The following APBA2 variants were observed in gnomAD, a reference collection of about 807,000 sequenced individuals.
APBA2 encodes the protein amyloid-beta A4 precursor protein-binding family A member 2.
APBA2 carries 30 observed loss-of-function variants against 75.0 expected under a neutral mutation model. The ratio of observed to expected loss-of-function variants is 0.40; its 90% CI spans 0.30 to 0.54. The LOEUF (loss-of-function observed/expected upper bound fraction) is 0.54, where lower values mean the gene tolerates loss of function less well. Among genes scored for constraint, APBA2 ranks in the 20% least tolerant of loss-of-function variants. The pLI is 0.49. For synonymous variants in APBA2, 444 were observed against 409.6 expected (o/e 1.08, Z -1.01); for missense variants, 801 against 1,016.1 (o/e 0.79, Z 2.88).
At chr15:29,029,713 G>A (rs2040393584) in intron 3 of APBA2, among the ~76,000 whole-genome samples, 2 of 152,118 alleles carry the variant, frequency 1.3e-5, no homozygotes, top group South Asian at 2.1e-4. Flanking sequence ...AAGCCCCAGG[G>A]AAGGACCAGC....
At position 29,093,106 on chromosome 15, in the gene APBA2, C is replaced by T. The variant is rs770286407; in HGVS notation, c.1101C>T (p.Ile367=). ...VPGPCEPEDL[I]DGIIFAANYL... is the part of the protein sequence containing the mutation. The stretch of plus-strand genomic sequence containing the variant: ...GGCCCTGCGAACCAGAAGACCTCAT[C>T]GACGGGATCATCTTTGCTGCCAATT... The change falls in exon 7 of 15, where the codon ATC becomes ATT. Residue 367 remains isoleucine, a synonymous_variant. Coordinates refer to ENST00000683413, the MANE Select transcript of APBA2 (RefSeq NM_001353788.2). 1.7e-5 allele frequency: 27 copies of T among 1,614,134 alleles called. No homozygotes were observed. The highest frequency in any genetic ancestry group is 1.5e-4 in the African/African-American group (11 of 74,940).
chr15:29,073,192 G>GA (rs2042701185), intron 4 of APBA2, among the ~76,000 whole-genome samples: 1 of 152,206 alleles, frequency 6.6e-6, no homozygotes, highest in Non-Finnish European at 1.5e-5. Flanking sequence ...TAGGACAGGG[G>GA]ATAGGGCTGG....
intron 2 of APBA2, among the ~76,000 whole-genome samples, chr15:28,987,873 CA>C (rs951495263): frequency 3.3e-5 from 5 of 151,074 alleles, no homozygotes; most frequent in Admixed American, 2.6e-4. Context: ...TCTTCTGCCT[CA>C]GCCTCCCAAG....
At chr15:28,942,271 C>T (rs911859082) in intron 2 of APBA2, among the ~76,000 whole-genome samples, 9 of 152,148 alleles carry the variant, frequency 5.9e-5, no homozygotes, top group African/African-American at 1.9e-4. Flanking sequence ...CTGCAGCACT[C>T]GCAGCTCACT....
intron 3 of APBA2, among the ~76,000 whole-genome samples, chr15:29,039,920 A>G (rs2040950423): frequency 6.6e-6 from 1 of 152,160 alleles, no homozygotes; most frequent in Admixed American, 6.5e-5. Flanking sequence ...TGGAGCTTGA[A>G]TGCGCAGCAC....
chr15:29,008,709 A>G (rs2039252628), intron 3 of APBA2, among the ~76,000 whole-genome samples: 1 of 152,196 alleles, frequency 6.6e-6, no homozygotes, highest in South Asian at 2.1e-4. Context: ...ATCCCATCTC[A>G]GAACAACAAC....
intron 1 of APBA2, among the ~76,000 whole-genome samples, chr15:28,890,544 C>G (rs2032066423): frequency 6.6e-6 from 1 of 152,232 alleles, no homozygotes; most frequent in Admixed American, 6.5e-5. Flanking sequence ...GCCTGCCTGA[C>G]TGTCTCTTGC....
At chr15:29,023,699 A>T (rs1197999907) in intron 3 of APBA2, among the ~76,000 whole-genome samples, 1 of 134,974 alleles carries the variant, frequency 7.4e-6, no homozygotes, top group Non-Finnish European at 1.5e-5. Context: ...CAAGTGATCC[A>T]CCTGCCTCAG....
At chr15:29,028,557 G>T (rs539219069) in intron 3 of APBA2, among the ~76,000 whole-genome samples, 102 of 152,262 alleles carry the variant, frequency 6.7e-4, no homozygotes, top group Middle Eastern at 3.4e-3. Flanking sequence ...GGTATTTCTG[G>T]TTATAGATCT....
intron 2 of APBA2, among the ~76,000 whole-genome samples, chr15:28,978,544 T>C (rs1196986984): frequency 1.3e-5 from 2 of 152,220 alleles, no homozygotes; most frequent in South Asian, 2.1e-4. Flanking sequence ...CCATTTGCAG[T>C]GTACTTCCAG....
chr15:29,108,647 G>A (rs1448734583), intron 13 of APBA2: 2 of 587,900 alleles, frequency 3.4e-6, no homozygotes, highest in Non-Finnish European at 6.0e-6. Flanking sequence ...TCCCCATGGT[G>A]GTTGTCCCCT....
At chr15:29,111,213 G>A (rs936608552) in intron 13 of APBA2, among the ~76,000 whole-genome samples, 1 of 152,080 alleles carries the variant, frequency 6.6e-6, no homozygotes, top group South Asian at 2.1e-4. Context: ...GGGGCCAAGC[G>A]TCTGTGAAAC....
intron 2 of APBA2, among the ~76,000 whole-genome samples, chr15:28,979,867 T>C (rs1566867695): frequency 6.6e-6 from 1 of 152,190 alleles, no homozygotes; most frequent in Admixed American, 6.5e-5. Context: ...GATCCTTCTT[T>C]GGGTCTTTGC....
chr15:29,004,603 A>G (rs1595705544), intron 3 of APBA2, among the ~76,000 whole-genome samples: 1 of 152,130 alleles, frequency 6.6e-6, no homozygotes, highest in Admixed American at 6.5e-5. Flanking sequence ...GACCTACATC[A>G]AAGTTGAGGA....
At chr15:29,008,975 G>A (rs888337444) in intron 3 of APBA2, among the ~76,000 whole-genome samples, 4 of 152,216 alleles carry the variant, frequency 2.6e-5, no homozygotes, top group Admixed American at 2.6e-4. Context: ...TATGTGCAGG[G>A]GAGAGAAGCC....
intron 4 of APBA2, among the ~76,000 whole-genome samples, chr15:29,061,428 C>A (rs2042125634): frequency 6.6e-6 from 1 of 152,138 alleles, no homozygotes; most frequent in African/African-American, 2.4e-5. Context: ...CTTGGAATGG[C>A]AAACCAAATA....
chr15:28,969,165 T>C (rs1163231421), intron 2 of APBA2, among the ~76,000 whole-genome samples: 1 of 144,700 alleles, frequency 6.9e-6, no homozygotes, highest in African/African-American at 2.6e-5. Context: ...TCTTTCTTTC[T>C]TTCTTTCTTT....
Position 29,117,543 on chromosome 15 carries a change from G to C in APBA2, c.*410G>C. On this transcript the variant is annotated 3_prime_UTR_variant, in exon 15 of 15. Coordinates refer to ENST00000683413, the MANE Select transcript of APBA2 (RefSeq NM_001353788.2). ...GTCACCCCTGCCTCCCGCCCCCTTG[G>C]CTGGGACGTCTGGGGTCCTGTGGGG... is the stretch of plus-strand genomic sequence containing the variant. The C allele has an allele frequency of 4.2e-6, 1 of 237,220 alleles. No homozygotes were observed. Among genetic ancestry groups the C allele is most frequent in the South Asian group, 5.8e-5 (1 of 17,238 alleles). 14.7% of individuals were successfully genotyped at this position (237,220 alleles called of 1,614,324 possible).
intron 1 of APBA2, among the ~76,000 whole-genome samples, chr15:28,914,643 C>T (rs1158649867): frequency 0.049 from 7,499 of 152,066 alleles, 649 homozygotes; most frequent in African/African-American, 0.17. Flanking sequence ...GCCCGCGCAC[C>T]CCGGACCTCC....
Sources: allele counts gnomAD v4.1 joint callset (sites outside exome capture counted in the v4.1 genomes callset), GRCh38; gene constraint gnomAD v4.1.1; transcripts MANE v1.5; gene names NCBI Gene and HGNC (gene_info 2026-07-23, HGNC 2026-07-21).